TBXAS1: variants seen among roughly 807,000 people sequenced by gnomAD.
The protein encoded by TBXAS1 is thromboxane-A synthase.
Under a neutral mutation model 60.7 loss-of-function variants are expected in TBXAS1, and 48 were observed. The observed-to-expected ratio is 0.79, with a 90% CI of 0.63 to 1.01. The LOEUF (loss-of-function observed/expected upper bound fraction) is 1.01. Ranked by LOEUF, TBXAS1 falls within the 50% of genes least tolerant of loss-of-function variation. TBXAS1 has a pLI of 0.00. For synonymous variants in TBXAS1, 287 were observed against 269.7 expected, an observed-to-expected ratio of 1.06 and a Z score of -0.63; for missense variants, 685 against 686.3, an observed-to-expected ratio of 1.00 and a Z score of 0.02.
chr7:139,945,437 CTG>C (rs1808620786), intron 5 of TBXAS1, among the ~76,000 whole-genome samples: 1 of 152,214 alleles, frequency 6.6e-6, no homozygotes, highest in African/African-American at 2.4e-5. Context: ...GCAAACCACA[CTG>C]TATTCATGCT....
chr7:139,998,436 G>A (rs1156845235), intron 9 of TBXAS1, among the ~76,000 whole-genome samples: 1 of 152,138 alleles, frequency 6.6e-6, no homozygotes, highest in Non-Finnish European at 1.5e-5. Flanking sequence ...GACCAGGTAG[G>A]CCCAGGTAAT....
chr7:140,015,836 G>A lies in TBXAS1; in HGVS notation c.1340G>A (p.Ser447Asn). The change falls in exon 11 of 13, where the codon AGC becomes AAC. Residue 447 changes from serine to asparagine, a missense_variant. Transcript: ENST00000448866. Reference protein sequence around the residue: ...ALHHDPEHWPSPETFNPERFT... With the variant: ...ALHHDPEHWPNPETFNPERFT... The stretch of plus-strand genomic sequence containing the variant: ...CACCATGACCCTGAGCACTGGCCAA[G>A]CCCGGAGACCTTCAACCCTGAAAGG... The A allele has an allele frequency of 1.9e-6, 3 of 1,613,850 alleles. No homozygotes were observed. The highest frequency in any genetic ancestry group is 2.5e-6 in the Non-Finnish European group (3 of 1,180,028).
chr7:140,001,178 C>CA (rs1438137442), intron 9 of TBXAS1, among the ~76,000 whole-genome samples: 1 of 152,204 alleles, frequency 6.6e-6, no homozygotes, highest in Non-Finnish European at 1.5e-5. Context: ...GATTTCCCCC[C>CA]AGCTCTAATT....
At chr7:139,957,825 T>C in intron 8 of TBXAS1, 61 bp downstream of exon 8, 1 of 1,609,786 alleles carries the variant, frequency 6.2e-7, no homozygotes, top group Non-Finnish European at 8.5e-7. Flanking sequence ...GGCATCACTG[T>C]CTCTGCTCTT....
chr7:139,974,692 C>T (rs1229964944), intron 9 of TBXAS1, among the ~76,000 whole-genome samples: 1 of 152,202 alleles, frequency 6.6e-6, no homozygotes, highest in Non-Finnish European at 1.5e-5. Context: ...GCCAGCATTA[C>T]GTACATATAG....
In TBXAS1 at chr7:139,947,841, C is replaced by T. The variant is rs116522786; in HGVS notation, c.451-5527C>T. 3.4e-3 allele frequency among the ~76,000 whole-genome samples: 518 copies of T among 151,404 alleles called. 4 individuals carry two copies. Among genetic ancestry groups the T allele is most frequent in the African/African-American group, 0.012 (501 of 41,084 alleles). On this transcript the variant is annotated intron_variant, in intron 5 of 12. Transcript: ENST00000448866. ...AGCTTGGGCTGTCATAACCAAACAC[C>T]ATTGAGTGTGTGGCTTAAACAACAG...
chr7:139,928,432 T>G (rs1807058115), intron 4 of TBXAS1, among the ~76,000 whole-genome samples: 1 of 152,236 alleles, frequency 6.6e-6, no homozygotes, highest in Non-Finnish European at 1.5e-5. Flanking sequence ...TAATTTTTCT[T>G]TCTTGTAAGT....
At chr7:139,820,264 C>A (rs6971207) in intron 4 of TBXAS1, among the ~76,000 whole-genome samples, 17,324 of 151,920 alleles carry the variant, frequency 0.11, 2,233 homozygotes, top group East Asian at 0.31. Flanking sequence ...TGAGGAGGGG[C>A]GGGAGAGATT....
intron 9 of TBXAS1, among the ~76,000 whole-genome samples, chr7:140,001,291 G>A (rs1282925104): frequency 6.6e-6 from 1 of 152,160 alleles, no homozygotes; most frequent in East Asian, 1.9e-4. Context: ...TTCCTGGCTT[G>A]AAATAAGAGA....
At chr7:139,998,802 G>A (rs1813470040) in intron 9 of TBXAS1, among the ~76,000 whole-genome samples, 1 of 152,186 alleles carries the variant, frequency 6.6e-6, no homozygotes, top group African/African-American at 2.4e-5. Flanking sequence ...GTGTGCGCAC[G>A]CAGCCTGGTT....
chr7:139,918,515 G>A (rs144616685), intron 4 of TBXAS1, among the ~76,000 whole-genome samples: 71 of 152,292 alleles, frequency 4.7e-4, no homozygotes, highest in Non-Finnish European at 7.4e-4. Context: ...AAACTCTGCT[G>A]AGATCTGTTG....
intron 5 of TBXAS1, among the ~76,000 whole-genome samples, chr7:139,939,370 C>CAAAAAAAAA (rs61551753): frequency 4.1e-5 from 2 of 48,850 alleles, no homozygotes; most frequent in African/African-American, 8.9e-5. Flanking sequence ...GACTCCATCT[C>CAAAAAAAAA]AAAAAAAAAA....
chr7:139,952,122 G>A (rs1809463730), intron 5 of TBXAS1, among the ~76,000 whole-genome samples: 1 of 152,196 alleles, frequency 6.6e-6, no homozygotes, highest in South Asian at 2.1e-4. Flanking sequence ...CTGTCATGAA[G>A]AAGAGAACAG....
intron 3 of TBXAS1, among the ~76,000 whole-genome samples, chr7:139,786,379 T>G (rs1319476797): frequency 6.6e-6 from 1 of 152,142 alleles, no homozygotes; most frequent in Non-Finnish European, 1.5e-5. Flanking sequence ...TCTAGACAGC[T>G]TTGAACCGTT....
In TBXAS1 at chr7:139,955,652, T is replaced by C. The variant is rs776752864; in HGVS notation, c.688+45T>C. On this transcript the variant is annotated intron_variant, in intron 7 of 12. Coordinates refer to ENST00000448866, the MANE Select transcript of TBXAS1 (RefSeq NM_001061.7). ...GGGGCGCTGCGATGACTCCAGCAAGTTGGGCAGACCCCATGACACCTGGGG... is the reference window on the plus strand; with the variant it reads ...GGGGCGCTGCGATGACTCCAGCAAGCTGGGCAGACCCCATGACACCTGGGG... 4.3e-6 allele frequency: 7 copies of C among 1,611,404 alleles called. No homozygotes were observed. In the East Asian group the frequency reaches 1.3e-4, roughly 31 times the overall value.
At chr7:139,927,081 AC>A (rs1258923933) in intron 4 of TBXAS1, among the ~76,000 whole-genome samples, 1 of 151,348 alleles carries the variant, frequency 6.6e-6, no homozygotes, top group Non-Finnish European at 1.5e-5. Flanking sequence ...TGCAACCTCC[AC>A]CTCTTGGGTT....
intron 6 of TBXAS1, among the ~76,000 whole-genome samples, chr7:139,954,477 C>G (rs1348003934): frequency 6.6e-6 from 1 of 152,134 alleles, no homozygotes; most frequent in African/African-American, 2.4e-5. Flanking sequence ...GTTGTAGAAA[C>G]GTTTTCAATA....
intron 9 of TBXAS1, among the ~76,000 whole-genome samples, chr7:139,979,763 T>TA (rs1491322638): frequency 8.5e-5 from 11 of 128,910 alleles, no homozygotes; most frequent in South Asian, 5.0e-4. Context: ...ATAATAATAA[T>TA]AATAAATAAA....
intron 11 of TBXAS1, among the ~76,000 whole-genome samples, 153 bp from the exon 12 acceptor site, chr7:140,017,518 A>T (rs941088894): frequency 1.3e-5 from 2 of 152,266 alleles, no homozygotes; most frequent in Non-Finnish European, 2.9e-5. Flanking sequence ...CCAGGAGCAG[A>T]GAGGGACTGA....
Sources: allele counts gnomAD v4.1 joint callset (sites outside exome capture counted in the v4.1 genomes callset), GRCh38; gene constraint gnomAD v4.1.1; transcripts MANE v1.5; gene names NCBI Gene and HGNC (gene_info 2026-07-23, HGNC 2026-07-21).